Variants in COL21A1 observed in about 807,000 individuals in gnomAD.
COL21A1 encodes the protein collagen alpha-1(XXI) chain.
A neutral mutation model predicts 137.9 loss-of-function variants in COL21A1; 149 were observed. That is an observed-to-expected ratio of 1.08 (90% CI 0.95 to 1.24). COL21A1 has a LOEUF of 1.24. COL21A1 is among the 50% of genes most tolerant of loss of function. The pLI is 0.00. For synonymous variants in COL21A1, 456 were observed against 391.5 expected (o/e 1.16, Z -1.95); for missense variants, 1,167 against 1,158.4 (o/e 1.01, Z -0.11).
intron 1 of COL21A1, among the ~76,000 whole-genome samples, chr6:56,367,078 T>A (rs9382624): frequency 0.4 from 60,106 of 152,068 alleles, 12,648 homozygotes; most frequent in East Asian, 0.77. Context: ...CAAGTTTTAA[T>A]GGCTCATCAG....
chr6:56,317,906 T>A (rs1017480733), intron 1 of COL21A1, among the ~76,000 whole-genome samples: 2 of 152,182 alleles, frequency 1.3e-5, no homozygotes, highest in African/African-American at 4.8e-5. Context: ...TATTTACAAT[T>A]TTTAAGCGTG....
chr6:56,267,714 G>A (rs1293961124), intron 1 of COL21A1, among the ~76,000 whole-genome samples: 1 of 146,782 alleles, frequency 6.8e-6, no homozygotes, highest in African/African-American at 2.5e-5. Flanking sequence ...CCAACATCAT[G>A]CCATTGCACT....
intron 1 of COL21A1, among the ~76,000 whole-genome samples, chr6:56,275,193 C>T (rs145691106): frequency 2.0e-5 from 3 of 152,266 alleles, no homozygotes; most frequent in African/African-American, 7.2e-5. Flanking sequence ...CCCTGCCTTT[C>T]ATCATATATG....
intron 10 of COL21A1, among the ~76,000 whole-genome samples, chr6:56,151,737 C>T (rs1448782463): frequency 1.3e-5 from 2 of 152,160 alleles, no homozygotes; most frequent in Admixed American, 1.3e-4. Flanking sequence ...TCAAATTGTT[C>T]CTTCCAAGTT....
intron 17 of COL21A1, among the ~76,000 whole-genome samples, chr6:56,097,979 ATAT>A (rs1562189001): frequency 5.6e-5 from 4 of 71,016 alleles, no homozygotes; most frequent in East Asian, 8.3e-4. Flanking sequence ...ATATAAATAT[ATAT>A]AAATATATAT....
At chr6:56,276,781 G>A (rs1406359476) in intron 1 of COL21A1, 5 of 1,116,336 alleles carry the variant, frequency 4.5e-6, no homozygotes, top group South Asian at 3.9e-5. Flanking sequence ...GCTAATTCTG[G>A]TTGTTCAGTG....
intron 16 of COL21A1, among the ~76,000 whole-genome samples, chr6:56,116,446 C>A (rs1382814209): frequency 6.5e-5 from 9 of 139,482 alleles, no homozygotes; most frequent in Non-Finnish European, 1.2e-4. Flanking sequence ...TATAGTATAT[C>A]CACAAAAATA....
intron 1 of COL21A1, among the ~76,000 whole-genome samples, chr6:56,376,530 A>G (rs1221502938): frequency 6.6e-6 from 1 of 152,086 alleles, no homozygotes; most frequent in South Asian, 2.1e-4. Context: ...AACCTGCCAG[A>G]GAACAAAGAG....
intron 1 of COL21A1, among the ~76,000 whole-genome samples, chr6:56,261,344 T>C (rs1403705928): frequency 6.6e-6 from 1 of 152,178 alleles, no homozygotes; most frequent in Non-Finnish European, 1.5e-5. Context: ...TTAGGATAAG[T>C]CAGTGCTGAA....
chr6:56,152,504 T>C (rs1199929232), intron 10 of COL21A1, among the ~76,000 whole-genome samples: 3 of 152,166 alleles, frequency 2.0e-5, no homozygotes, highest in Non-Finnish European at 4.4e-5. Context: ...GATACTACCA[T>C]AGTTATCTAT....
chr6:56,148,189 A>T (rs551242826), intron 10 of COL21A1, among the ~76,000 whole-genome samples: 1 of 152,308 alleles, frequency 6.6e-6, no homozygotes, highest in East Asian at 1.9e-4. Flanking sequence ...TCATACAGCG[A>T]TGCCTTTTCA....
intron 10 of COL21A1, among the ~76,000 whole-genome samples, chr6:56,148,144 C>CTAAAAATT (rs1264044951): frequency 6.6e-6 from 1 of 152,120 alleles, no homozygotes; most frequent in African/African-American, 2.4e-5. Flanking sequence ...ACTAACTATG[C>CTAAAAATT]TAAAAATTAT....
intron 1 of COL21A1, among the ~76,000 whole-genome samples, chr6:56,302,978 A>G (rs1764340123): frequency 6.6e-6 from 1 of 152,102 alleles, no homozygotes; most frequent in African/African-American, 2.4e-5. Flanking sequence ...ACCATTTATT[A>G]AATAGGGAAT....
At chr6:56,130,654 G>A (rs1205110) in intron 12 of COL21A1, among the ~76,000 whole-genome samples, 2,630 of 147,586 alleles carry the variant, frequency 0.018, 72 homozygotes, top group African/African-American at 0.063. Flanking sequence ...CTCATGTTGG[G>A]ACAGAAAAAA....
At chr6:56,203,014 T>G (rs1184363749) in intron 1 of COL21A1, among the ~76,000 whole-genome samples, 1 of 152,212 alleles carries the variant, frequency 6.6e-6, no homozygotes, top group African/African-American at 2.4e-5. Context: ...AAATTCCTCT[T>G]ACATTACATT....
intron 1 of COL21A1, among the ~76,000 whole-genome samples, chr6:56,288,620 A>C: frequency 6.6e-6 from 1 of 152,200 alleles, no homozygotes; most frequent in East Asian, 1.9e-4. Context: ...ATAAAAGGGC[A>C]GGTGCTTATG....
chr6:56,252,909 C>T lies in COL21A1; in HGVS notation c.-38-70253G>A, dbSNP rs115658015. Reference sequence around the variant, plus strand: ...TTAGAACGAATGACAGGGGCCACCTCTATCTCCTTTCAACAACAATATCCT... The same window carrying T: ...TTAGAACGAATGACAGGGGCCACCTTTATCTCCTTTCAACAACAATATCCT... On this transcript the variant is annotated intron_variant, in intron 1 of 28. Transcript: ENST00000370819. Among the ~76,000 whole-genome samples the T allele has an allele frequency of 6.1e-3, 935 of 152,300 alleles. 13 individuals carry two copies. Among genetic ancestry groups the T allele is most frequent in the African/African-American group, 0.021 (868 of 41,570 alleles).
chr6:56,114,856 A>G (rs1190957225), intron 16 of COL21A1, among the ~76,000 whole-genome samples: 2 of 145,514 alleles, frequency 1.4e-5, no homozygotes, highest in Non-Finnish European at 3.0e-5. Context: ...TCATGCTGCT[A>G]TAAAGACACA....
chr6:56,185,717 G>A (rs1354140026), intron 1 of COL21A1, among the ~76,000 whole-genome samples: 1 of 151,956 alleles, frequency 6.6e-6, no homozygotes, highest in Non-Finnish European at 1.5e-5. Context: ...TTACAGGCGT[G>A]AGCCACCGCG....
Sources: allele counts gnomAD v4.1 joint callset (sites outside exome capture counted in the v4.1 genomes callset), GRCh38; gene constraint gnomAD v4.1.1; transcripts MANE v1.5; gene names NCBI Gene and HGNC (gene_info 2026-07-23, HGNC 2026-07-21).